Variants in AUTS2 observed in about 807,000 individuals in gnomAD.
AUTS2 encodes the protein autism susceptibility gene 2 protein.
AUTS2 carries 17 observed loss-of-function variants against 112.4 expected under a neutral mutation model. The observed-to-expected ratio is 0.15, with a 90% CI of 0.10 to 0.23. AUTS2 has a LOEUF of 0.23. Among genes scored for constraint, AUTS2 ranks in the 10% least tolerant of loss-of-function variants. The pLI, the probability that AUTS2 is intolerant of heterozygous loss-of-function variation, is 1.00. For missense variants in AUTS2, 1,510 were observed against 1,701.6 expected, an observed-to-expected ratio of 0.89 and a Z score of 1.98; for synonymous variants, 751 against 702.7, an observed-to-expected ratio of 1.07 and a Z score of -1.09.
chr7:70,362,407 C>A (rs965570546), intron 4 of AUTS2, among the ~76,000 whole-genome samples: 1 of 152,046 alleles, frequency 6.6e-6, no homozygotes, highest in Non-Finnish European at 1.5e-5. Context: ...CCACACAATA[C>A]ATTGAGATTC....
intron 6 of AUTS2, among the ~76,000 whole-genome samples, chr7:70,704,303 G>A (rs1809620920): frequency 6.6e-6 from 1 of 152,174 alleles, no homozygotes; most frequent in African/African-American, 2.4e-5. Context: ...GATGCCTTTT[G>A]GGTAGAACTT....
chr7:70,462,298 G>T (rs1349608977), intron 5 of AUTS2, among the ~76,000 whole-genome samples: 1 of 152,050 alleles, frequency 6.6e-6, no homozygotes, highest in African/African-American at 2.4e-5. Flanking sequence ...GTGGATAGGG[G>T]TTGATTGGGG....
In AUTS2 at chr7:69,599,529, C is replaced by G. The variant is rs2129067221; in HGVS notation, c.-125C>G. On this transcript the variant is annotated 5_prime_UTR_variant, in exon 1 of 19. Coordinates refer to ENST00000342771, the MANE Select transcript of AUTS2 (RefSeq NM_015570.4). The surrounding 1 kb of genome is among the most constrained non-coding windows in gnomAD (Gnocchi z 7.0). ...CCCTTCTTTCGGCCGCCGTCTCCCC[C>G]GCGCCCTCCTCGGGGCGGAGGGAAG... 2.2e-6 allele frequency: 2 copies of G among 921,258 alleles called. No homozygotes were observed. Among genetic ancestry groups the G allele is most frequent in the Admixed American group, 4.4e-5 (1 of 22,524 alleles). The allele number at this position is 921,258 out of a possible 1,614,324, so 57.1% of individuals were successfully genotyped here. A position where few individuals can be genotyped will look rare whatever the true frequency, so the allele number is the denominator to read the frequency against.
intron 5 of AUTS2, among the ~76,000 whole-genome samples, chr7:70,442,653 A>G (rs1284688672): frequency 6.6e-6 from 1 of 151,878 alleles, no homozygotes; most frequent in African/African-American, 2.4e-5. Flanking sequence ...ATGCCTGGCT[A>G]ATTTTTGTAT....
At chr7:70,650,728 G>T (rs939818242) in intron 5 of AUTS2, among the ~76,000 whole-genome samples, 11 of 152,186 alleles carry the variant, frequency 7.2e-5, no homozygotes, top group African/African-American at 2.7e-4. Flanking sequence ...CATATCTCCA[G>T]TGAACTTCTG....
chr7:70,317,797 T>C (rs1790066020), intron 4 of AUTS2, among the ~76,000 whole-genome samples: 1 of 152,222 alleles, frequency 6.6e-6, no homozygotes, highest in African/African-American at 2.4e-5. Context: ...TCTGTCTGTC[T>C]CATTTGCGGA....
intron 5 of AUTS2, among the ~76,000 whole-genome samples, chr7:70,549,329 C>G (rs904162500): frequency 1.3e-5 from 2 of 152,086 alleles, no homozygotes; most frequent in African/African-American, 4.8e-5. Context: ...AGTTTTGCTT[C>G]TTTCTTGTCC....
chr7:70,135,320 C>T (rs1237746834), intron 4 of AUTS2, among the ~76,000 whole-genome samples: 2 of 151,988 alleles, frequency 1.3e-5, no homozygotes, highest in Non-Finnish European at 2.9e-5. Context: ...GACAAATAAG[C>T]ATTATTTGTA....
intron 5 of AUTS2, among the ~76,000 whole-genome samples, chr7:70,636,690 A>G (rs1462627207): frequency 1.3e-5 from 2 of 150,246 alleles, no homozygotes; most frequent in African/African-American, 2.5e-5. Context: ...TCTGTCTCCC[A>G]GGCTGGAGTG....
chr7:70,000,889 T>C (rs2129552685), intron 2 of AUTS2, among the ~76,000 whole-genome samples: 1 of 149,984 alleles, frequency 6.7e-6, no homozygotes, highest in East Asian at 1.9e-4. Context: ...AAATTGGTAA[T>C]GACTGACTGT....
chr7:70,132,317 T>C (rs1296515685), intron 3 of AUTS2, among the ~76,000 whole-genome samples: 2 of 152,080 alleles, frequency 1.3e-5, no homozygotes, highest in African/African-American at 4.8e-5. Context: ...TTCCCTCGTG[T>C]GTCTGTGTTT....
intron 5 of AUTS2, among the ~76,000 whole-genome samples, chr7:70,485,762 C>T (rs1194944046): frequency 6.6e-6 from 1 of 152,114 alleles, no homozygotes; most frequent in African/African-American, 2.4e-5. Flanking sequence ...GTGTTCCTGT[C>T]ACATTTCCTT....
At chr7:69,946,243 C>T (rs1025096590) in intron 2 of AUTS2, among the ~76,000 whole-genome samples, 1 of 152,130 alleles carries the variant, frequency 6.6e-6, no homozygotes. Flanking sequence ...CTTCCAGGTT[C>T]ACCCAAGTTG....
At position 69,636,480 on chromosome 7, in the gene AUTS2, GCC is replaced by G. The variant is rs10652609; in HGVS notation, c.309+36530_309+36531del. Among the ~76,000 whole-genome samples the G allele has an allele frequency of 5.6e-4, 9 of 16,094 alleles. 2 individuals carry two copies. The highest frequency in any genetic ancestry group is 1.5e-3 in the South Asian group (1 of 684). 10.6% of individuals were successfully genotyped at this position (16,094 alleles called of 152,430 possible). On this transcript the variant is annotated intron_variant, in intron 1 of 18. Transcript: ENST00000342771. Reference sequence around the variant, plus strand: ...GAACTCCTGACCTCAAGTGATCCGCGCCCCCCCCCCCCCTTGGCCTCCCAAAG... The same window carrying G: ...GAACTCCTGACCTCAAGTGATCCGCGCCCCCCCCCCCTTGGCCTCCCAAAG...
chr7:70,759,276 G>A (rs1268952778), intron 6 of AUTS2, among the ~76,000 whole-genome samples: 1 of 152,284 alleles, frequency 6.6e-6, no homozygotes, highest in East Asian at 1.9e-4. Context: ...AAACAAGGAC[G>A]TGACTTCCAG....
At chr7:70,388,132 C>A (rs1793695838) in intron 4 of AUTS2, among the ~76,000 whole-genome samples, 1 of 152,180 alleles carries the variant, frequency 6.6e-6, no homozygotes, top group South Asian at 2.1e-4. Flanking sequence ...TTTCTGCCAA[C>A]ATGATTCTAT....
intron 1 of AUTS2, among the ~76,000 whole-genome samples, chr7:69,635,749 G>T (rs931517946): frequency 6.6e-6 from 1 of 152,232 alleles, no homozygotes; most frequent in East Asian, 1.9e-4. Context: ...AATCTGTCAT[G>T]AATCAGCAAT....
intron 4 of AUTS2, among the ~76,000 whole-genome samples, chr7:70,219,505 T>C (rs1307297296): frequency 1.3e-5 from 2 of 152,076 alleles, no homozygotes. Context: ...TGGAAGAACA[T>C]TTGTATATAA....
intron 5 of AUTS2, among the ~76,000 whole-genome samples, chr7:70,441,434 G>A (rs1796119070): frequency 6.6e-6 from 1 of 152,144 alleles, no homozygotes; most frequent in South Asian, 2.1e-4. Flanking sequence ...TGCCCAGGCT[G>A]GAGTACAATG....
Sources: gnomAD v4.1 joint callset for allele counts (sites outside exome capture counted in the v4.1 genomes callset) on GRCh38, gnomAD v4.1.1 for gene constraint, Gnocchi (gnomAD v3.1) non-coding constraint, MANE v1.5 for transcripts, NCBI Gene and HGNC (gene_info 2026-07-23, HGNC 2026-07-21) for gene names.